SACM1L: variants seen among roughly 807,000 people sequenced by gnomAD.
SACM1L encodes the protein phosphatidylinositol-3-phosphatase SAC1.
A neutral mutation model predicts 89.5 loss-of-function variants in SACM1L; 32 were observed. The ratio of observed to expected loss-of-function variants is 0.36; its 90% CI spans 0.27 to 0.48. The LOEUF (loss-of-function observed/expected upper bound fraction) is 0.48. SACM1L is among the 20% of genes least tolerant of loss of function. The pLI is 0.99. For synonymous variants in SACM1L, 213 were observed against 232.8 expected (o/e 0.92, Z 0.77); for missense variants, 543 against 708.5 (o/e 0.77, Z 2.65).
rs116300223 is a variant in SACM1L at position 45,741,262 on chromosome 3, T to G, written c.1627+1618T>G. 1.8e-3 allele frequency among the ~76,000 whole-genome samples: 279 copies of G among 152,302 alleles called. 3 individuals carry two copies. The highest frequency in any genetic ancestry group is 6.4e-3 in the African/African-American group (264 of 41,564). ...GAGTGTCTCTCCCACACAGAAGTCT[T>G]CACCTTCTGTCTGGATTTCCACAGC... On this transcript the variant is annotated intron_variant, in intron 19 of 19. Transcript: ENST00000389061.
At chr3:45,709,453 A>T (rs987824882) in intron 4 of SACM1L, 45 bp from the exon 5 acceptor site, 30 of 1,500,614 alleles carry the variant, frequency 2.0e-5, no homozygotes, top group African/African-American at 2.8e-5. Context: ...ATGCTGGCAG[A>T]TTCCTTTTCA....
chr3:45,725,568 T>A (rs546697420), intron 11 of SACM1L, among the ~76,000 whole-genome samples: 43 of 152,226 alleles, frequency 2.8e-4, no homozygotes, highest in Non-Finnish European at 5.2e-4. Context: ...GCTCCAACTT[T>A]GTTGAATTTC....
chr3:45,703,706 A>G (rs773561867), intron 2 of SACM1L, among the ~76,000 whole-genome samples, 171 bp downstream of exon 2: 5 of 152,244 alleles, frequency 3.3e-5, no homozygotes, highest in Admixed American at 6.5e-5. Flanking sequence ...ATTTTATGCT[A>G]TCTCCTTTTC....
chr3:45,741,334 T>A (rs543859756), intron 19 of SACM1L, among the ~76,000 whole-genome samples: 2 of 152,358 alleles, frequency 1.3e-5, no homozygotes, highest in East Asian at 3.9e-4. Context: ...ACCTCATTAA[T>A]ACATAGGGAG....
chr3:45,706,922 T>C lies in SACM1L; in HGVS notation c.333+15T>C. The C allele has an allele frequency of 6.2e-7, 1 of 1,612,162 alleles. No homozygotes were observed. Among genetic ancestry groups the C allele is most frequent in the South Asian group, 1.1e-5 (1 of 90,856 alleles). On this transcript the variant is annotated intron_variant, in intron 4 of 19. Coordinates refer to ENST00000389061, the MANE Select transcript of SACM1L (RefSeq NM_014016.5). ...CTGATATTCAGGTAAGAACTGGAAATTGTTACTAATTGCAGCGCCCAAAGA... is the reference window on the plus strand; with the variant it reads ...CTGATATTCAGGTAAGAACTGGAAACTGTTACTAATTGCAGCGCCCAAAGA...
At chr3:45,706,735 A>T in intron 3 of SACM1L, 45 bp from the exon 4 acceptor site, 1 of 1,501,710 alleles carries the variant, frequency 6.7e-7, no homozygotes, top group Non-Finnish European at 9.1e-7. Context: ...CTACCTTTAG[A>T]GTTACTATTT....
At chr3:45,724,810 G>T (rs917307379) in intron 11 of SACM1L, among the ~76,000 whole-genome samples, 8 of 151,928 alleles carry the variant, frequency 5.3e-5, no homozygotes, top group Non-Finnish European at 1.2e-4. Flanking sequence ...TTTTTGTTTC[G>T]TGTATGTGTG....
chr3:45,720,588 C>G (rs1053161154), intron 8 of SACM1L, among the ~76,000 whole-genome samples: 1 of 151,742 alleles, frequency 6.6e-6, no homozygotes, highest in African/African-American at 2.4e-5. Flanking sequence ...TCCTTTTTTT[C>G]CTTCATATCT....
chr3:45,734,081 T>C lies in SACM1L; in HGVS notation c.1101-1154T>C, dbSNP rs1279997888. Among the ~76,000 whole-genome samples, 8 of 152,100 alleles carry C rather than the reference T, an allele frequency of 5.3e-5. No individual in the cohort carries two copies. The East Asian group carries it at 1.5e-3, about 29-fold the overall frequency. ...AATACCCAATTGTTCTTTATAAATC[T>C]TGTACTATTTGCATGTATTACCCAT... On this transcript the variant is annotated intron_variant, in intron 13 of 19. Transcript: ENST00000389061.
At chr3:45,706,447 A>C (rs1419885204) in intron 3 of SACM1L, among the ~76,000 whole-genome samples, 4 of 152,240 alleles carry the variant, frequency 2.6e-5, no homozygotes, top group African/African-American at 9.6e-5. Flanking sequence ...AATGATTAGC[A>C]GAGGTCTGTA....
At chr3:45,712,060 A>G (rs1384214331) in intron 5 of SACM1L, among the ~76,000 whole-genome samples, 2 of 152,204 alleles carry the variant, frequency 1.3e-5, no homozygotes. Context: ...ATGATGAAAT[A>G]ATAATAAGTA....
intron 11 of SACM1L, among the ~76,000 whole-genome samples, chr3:45,726,283 A>G (rs1163382971): frequency 1.3e-5 from 2 of 151,510 alleles, no homozygotes; most frequent in Admixed American, 1.3e-4. Flanking sequence ...AATTCTCTAA[A>G]TTTTGGTACA....
At chr3:45,737,552 A>G in intron 14 of SACM1L, 31 bp from the exon 15 acceptor site, 1 of 1,577,320 alleles carries the variant, frequency 6.3e-7, no homozygotes, top group Non-Finnish European at 8.6e-7. Flanking sequence ...AATCTATTAC[A>G]CATAAATCTG....
chr3:45,745,042 TAA>T lies in SACM1L; in HGVS notation c.*1374_*1375del, dbSNP rs1333421509. 1.3e-5 allele frequency: 2 copies of T among 152,156 alleles called. No individual in the cohort carries two copies. The highest frequency in any genetic ancestry group is 2.9e-5 in the Non-Finnish European group (2 of 68,020). The allele number at this position is 152,156 out of a possible 1,614,324, so 9.4% of individuals were successfully genotyped here. ...CGTTACTTTTAGAAACTAAAGGAAA[TAA>T]TAGCTGGAAAACCCTCTGTAGTTTA... is the stretch of plus-strand genomic sequence containing the variant. On this transcript the variant is annotated 3_prime_UTR_variant, in exon 20 of 20. Transcript: ENST00000389061.
At chr3:45,697,668 A>G (rs895723414) in intron 1 of SACM1L, among the ~76,000 whole-genome samples, 5 of 152,222 alleles carry the variant, frequency 3.3e-5, no homozygotes, top group Non-Finnish European at 7.3e-5. Context: ...CAATTATTAT[A>G]CAAGTATTAT....
intron 11 of SACM1L, among the ~76,000 whole-genome samples, chr3:45,726,926 C>T (rs1263198215): frequency 5.0e-5 from 1 of 19,984 alleles, no homozygotes; most frequent in East Asian, 5.1e-4. Context: ...TCACCCAGGC[C>T]GGACTGCGGA....
chr3:45,703,898 T>C (rs996289568), intron 2 of SACM1L, among the ~76,000 whole-genome samples: 2 of 152,202 alleles, frequency 1.3e-5, no homozygotes, highest in African/African-American at 4.8e-5. Flanking sequence ...TTGTTTCAGC[T>C]TTAAGAGTAT....
rs189441734 is a variant in SACM1L, at chr3:45,696,958, C to T, written c.33-6480C>T. 9.2e-5 allele frequency among the ~76,000 whole-genome samples: 14 copies of T among 152,230 alleles called. No homozygotes were observed. In the East Asian group the frequency reaches 1.7e-3, roughly 19 times the overall value. ...TTAAGAGCTGTTGAATCCCAGGTGA[C>T]TATAAGATTAAATGCATTTGTATTA... On this transcript the variant is annotated intron_variant, in intron 1 of 19. Transcript: ENST00000389061.
chr3:45,706,791 A>C lies in SACM1L; in HGVS notation c.217A>C (p.Ile73Leu), dbSNP rs148320278. ...CTTGCTTTTTGCAGGTAATTATCTT[A>C]TAGTCATTACCAAAAAGATAAAAGT... ...TIHLVAGNYL[I>L]VITKKIKVGE... The change falls in exon 4 of 20, where the codon ATA (isoleucine) becomes CTA (leucine). Residue 73 changes from isoleucine to leucine, a missense_variant. Transcript: ENST00000389061. 57 of 1,608,892 alleles carry C rather than the reference A, an allele frequency of 3.5e-5. No homozygotes were observed. The African/African-American group carries it at 6.1e-4, about 17-fold the overall frequency.
Sources: allele counts gnomAD v4.1 joint callset (sites outside exome capture counted in the v4.1 genomes callset), GRCh38; gene constraint gnomAD v4.1.1; transcripts MANE v1.5; gene names NCBI Gene and HGNC (gene_info 2026-07-23, HGNC 2026-07-21).